Variants in PPP1R12C observed in about 807,000 individuals in gnomAD.
PPP1R12C encodes protein phosphatase 1 regulatory subunit 12C.
PPP1R12C carries 48 observed loss-of-function variants against 95.6 expected under a neutral mutation model. The ratio of observed to expected loss-of-function variants is 0.50; its 90% CI spans 0.40 to 0.64. The LOEUF (loss-of-function observed/expected upper bound fraction) is 0.64, where lower values mean the gene tolerates loss of function less well. Ranked by LOEUF, PPP1R12C falls within the 30% of genes least tolerant of loss-of-function variation. PPP1R12C has a pLI of 0.00. For synonymous variants in PPP1R12C, 480 were observed against 460.8 expected, an observed-to-expected ratio of 1.04 and a Z score of -0.53; for missense variants, 1,057 against 1,083.3, an observed-to-expected ratio of 0.98 and a Z score of 0.34.
chr19:55,103,584 G>A lies in PPP1R12C; in HGVS notation c.572-16C>T, dbSNP rs781176241. ...ACATCCACACCTAGGAGGATAAGAG[G>A]CACGAGGTAGGACTCACACCCCATG... On this transcript the variant is annotated splice_polypyrimidine_tract_variant and intron_variant, in intron 3 of 21. Transcript: ENST00000263433. 1 of 1,551,376 alleles carries A rather than the reference G, an allele frequency of 6.4e-7. No homozygotes were observed. Among genetic ancestry groups the A allele is most frequent in the Non-Finnish European group, 8.8e-7 (1 of 1,138,094 alleles).
chr19:55,117,478 TCGCCGCTCCCGGGCAGCCGCCGC>T lies in PPP1R12C; in HGVS notation c.43_65del (p.Ala15ThrfsTer89). On this transcript the variant is annotated frameshift_variant, in exon 1 of 22. Transcript: ENST00000263433. LOFTEE classifies it high-confidence loss of function. ...CCCCCCACTGCCGCAGCTGCTCCCG[TCGCCGCTCCCGGGCAGCCGCCGC>T]CGCCGCCCCCGGGCCAGCCGCCGGG... 2 of 1,018,052 alleles carry T rather than the reference TCGCCGCTCCCGGGCAGCCGCCGC, an allele frequency of 2.0e-6. No individual in the cohort carries two copies. The highest frequency in any genetic ancestry group is 3.9e-5 in the South Asian group (1 of 25,728). 63.1% of individuals were successfully genotyped at this position (1,018,052 alleles called of 1,614,324 possible). A position where few individuals can be genotyped will look rare whatever the true frequency, so the allele number is the denominator to read the frequency against.
Position 55,117,387 on chromosome 19 carries a change from C to A in PPP1R12C, c.157G>T (p.Ala53Ser). ...CCCGCACAGGCCGCCAGGAACTCGG[C>A]GGCGCGCTCGAAGCGGACGGTGCGG... ...RARTVRFERAAEFLAACAGGD... is the reference protein window; with the variant it reads ...RARTVRFERASEFLAACAGGD... The change falls in exon 1 of 22, where the codon GCC (alanine) becomes TCC (serine). Residue 53 changes from alanine (A) to serine (S), a missense_variant. Ala to Ser is a moderately conservative substitution (Grantham distance 99). Coordinates refer to ENST00000263433, the MANE Select transcript of PPP1R12C (RefSeq NM_017607.4). 1.9e-6 allele frequency: 2 copies of A among 1,072,612 alleles called. No homozygotes were observed. Among genetic ancestry groups the A allele is most frequent in the Non-Finnish European group, 2.3e-6 (2 of 888,268 alleles). The allele number at this position is 1,072,612 out of a possible 1,614,324, so 66.4% of individuals were successfully genotyped here. A position where few individuals can be genotyped will look rare whatever the true frequency, so the allele number is the denominator to read the frequency against.
In PPP1R12C at chr19:55,104,199, T is replaced by TATACAC. The variant is rs34075382; in HGVS notation, c.572-632_572-631insGTGTAT. ...AAAAAAGTATATATATATATATATA[T>TATACAC]ACACACACACACACATACAAAAATA... is the stretch of plus-strand genomic sequence containing the variant. On this transcript the variant is annotated intron_variant, in intron 3 of 21. Transcript: ENST00000263433. 8.3e-5 allele frequency among the ~76,000 whole-genome samples: 10 copies of TATACAC among 120,042 alleles called. No individual in the cohort carries two copies. The East Asian group carries it at 9.2e-4, about 11-fold the overall frequency. 78.8% of individuals were successfully genotyped at this position (120,042 alleles called of 152,430 possible).
rs761864993 is a variant in PPP1R12C at position 55,095,939 on chromosome 19, T to C, written c.1155A>G (p.Glu385=). 3.7e-6 allele frequency: 6 copies of C among 1,611,870 alleles called. No homozygotes were observed. The South Asian group carries it at 6.6e-5, about 18-fold the overall frequency. ...GGGTTCTGGGTTCTGCAGGGGGTGG[T>C]TCTGTGATGTGGGAACACCGGGCAG... ...DEDEGEEGPT[E]PPPAEPRTLN... The change falls in exon 9 of 22, where the codon GAA becomes GAG. Residue 385 remains glutamate, a splice_region_variant and synonymous_variant. Coordinates refer to ENST00000263433, the MANE Select transcript of PPP1R12C (RefSeq NM_017607.4).
chr19:55,098,929 C>T (rs2084951917), intron 5 of PPP1R12C, 22 bp downstream of exon 5: 2 of 1,598,246 alleles, frequency 1.3e-6, no homozygotes, highest in African/African-American at 2.7e-5. Context: ...TGCCCCTCAC[C>T]AGCCTGGGCA....
At chr19:55,102,498 C>T (rs374589517) in intron 4 of PPP1R12C, among the ~76,000 whole-genome samples, 5 of 152,280 alleles carry the variant, frequency 3.3e-5, no homozygotes, top group South Asian at 2.1e-4. Flanking sequence ...GGTGACAGAG[C>T]GAGACTCCGT....
chr19:55,117,131 G>T, intron 1 of PPP1R12C, 92 bp downstream of exon 1: 1 of 1,075,094 alleles, frequency 9.3e-7, no homozygotes, highest in Non-Finnish European at 1.2e-6. Flanking sequence ...CGACGGGGCG[G>T]ATCGAGACTG....
At chr19:55,102,399 C>A (rs1207038463) in intron 4 of PPP1R12C, among the ~76,000 whole-genome samples, 4 of 152,218 alleles carry the variant, frequency 2.6e-5, no homozygotes, top group Admixed American at 2.0e-4. Context: ...ATAGTCACAG[C>A]TCCTGGGGAG....
chr19:55,093,043 C>T lies in PPP1R12C; in HGVS notation c.1798G>A (p.Glu600Lys), dbSNP rs772230789. 1 of 1,591,868 alleles carries T rather than the reference C, an allele frequency of 6.3e-7. No homozygotes were observed. Among genetic ancestry groups the T allele is most frequent in the Non-Finnish European group, 8.6e-7 (1 of 1,168,220 alleles). Residue 600 changes from glutamate to lysine, a missense_variant, in exon 15 of 22, where the codon GAG becomes AAG. Physicochemically the swap from Glu to Lys is moderately conservative, Grantham distance 56. Coordinates refer to ENST00000263433, the MANE Select transcript of PPP1R12C (RefSeq NM_017607.4). ...PSRRPRVPGV[E>K]NSDSPAQRAE... ...CTCTGGGCAGGGCTGTCAGAGTTCT[C>T]CACTCCAGGGACGCGGGGCCTTCGG...
rs566865348 is a variant in PPP1R12C at position 55,092,103 on chromosome 19, G to C, written c.2160+119C>G. The C allele has an allele frequency of 1.5e-4, 164 of 1,085,606 alleles. No individual in the cohort carries two copies. In the African/African-American group the frequency reaches 2.4e-3, roughly 16 times the overall value. 67.2% of individuals were successfully genotyped at this position (1,085,606 alleles called of 1,614,324 possible). ...ACTCCGCCTCCGAGATCTCGGCCCC[G>C]CCCCTCAAGTGAAGCCCAGCCCCGC... On this transcript the variant is annotated intron_variant, in intron 19 of 21. Transcript: ENST00000263433.
At position 55,096,704 on chromosome 19, in the gene PPP1R12C, C is replaced by G. The variant is rs982231013; in HGVS notation, c.952-369G>C. The G allele has an allele frequency of 9.2e-5, 36 of 391,670 alleles. 2 individuals are homozygous for G. The highest frequency in any genetic ancestry group is 7.1e-4 in the South Asian group (31 of 43,840). 24.3% of individuals were successfully genotyped at this position (391,670 alleles called of 1,614,324 possible). On this transcript the variant is annotated intron_variant, in intron 6 of 21. Coordinates refer to ENST00000263433, the MANE Select transcript of PPP1R12C (RefSeq NM_017607.4). ...CAGCTGCCCCGGCTCCTGCAGCCGG[C>G]ACTCGCCTCCTCCTTCCCCGCGCAG...
At chr19:55,103,695 A>G (rs2085003106) in intron 3 of PPP1R12C, 127 bp from the exon 4 acceptor site, 1 of 877,626 alleles carries the variant, frequency 1.1e-6, no homozygotes, top group African/African-American at 1.8e-5. Flanking sequence ...CTCCCCTCTG[A>G]GACTCAGGAG....
intron 3 of PPP1R12C, among the ~76,000 whole-genome samples, chr19:55,110,955 G>A (rs555796762): frequency 1.4e-3 from 212 of 152,060 alleles, no homozygotes; most frequent in African/African-American, 4.8e-3. Context: ...AAAACAGGAG[G>A]AGAAAGGATA....
intron 3 of PPP1R12C, among the ~76,000 whole-genome samples, chr19:55,107,661 G>C (rs903823094): frequency 1.4e-5 from 2 of 145,118 alleles, no homozygotes; most frequent in Non-Finnish European, 3.0e-5. Flanking sequence ...GAGAACACTT[G>C]GACACAGGAA....
intron 1 of PPP1R12C, among the ~76,000 whole-genome samples, chr19:55,115,872 T>A (rs1003377883): frequency 6.6e-6 from 1 of 152,132 alleles, no homozygotes; most frequent in African/African-American, 2.4e-5. Context: ...ACAGGATCCC[T>A]GGAGGCAGCA....
At chr19:55,112,364 A>G in intron 3 of PPP1R12C, 103 bp downstream of exon 3, 12 of 986,046 alleles carry the variant, frequency 1.2e-5, no homozygotes, top group Non-Finnish European at 1.8e-5. Flanking sequence ...AATCCTAGGA[A>G]GCAGGGTCAG....
chr19:55,106,444 A>G (rs569899225), intron 3 of PPP1R12C, among the ~76,000 whole-genome samples: 1 of 152,306 alleles, frequency 6.6e-6, no homozygotes, highest in East Asian at 1.9e-4. Context: ...CTTTCCCACC[A>G]GGCAGAAATC....
chr19:55,107,935 CTTTTTTT>C (rs34454787), intron 3 of PPP1R12C, among the ~76,000 whole-genome samples: 1 of 134,742 alleles, frequency 7.4e-6, no homozygotes, highest in East Asian at 2.1e-4. Context: ...AATTTACCAT[CTTTTTTT>C]TTTTTTTTTG....
Position 55,117,301 on chromosome 19 carries a change from C to T in PPP1R12C, c.243G>A (p.Glu81=). The T allele has an allele frequency of 8.3e-7, 1 of 1,208,614 alleles. No homozygotes were observed. Among genetic ancestry groups the T allele is most frequent in the South Asian group, 4.1e-5 (1 of 24,342 alleles). The allele number at this position is 1,208,614 out of a possible 1,614,324, so 74.9% of individuals were successfully genotyped here. ...CGGGCGGCGGCGCGGCGGGGTCGAG[C>T]TCGGCGCCGGGGCCAGGGTCGGCGG... ...LRAADPGPGA[E]LDPAAPPPAR... The change falls in exon 1 of 22, where the codon GAG becomes GAA. Residue 81 remains glutamate (E), a synonymous_variant. Transcript: ENST00000263433.
Sources: allele counts gnomAD v4.1 joint callset (sites outside exome capture counted in the v4.1 genomes callset), GRCh38; gene constraint gnomAD v4.1.1; transcripts MANE v1.5; gene names NCBI Gene and HGNC (gene_info 2026-07-23, HGNC 2026-07-21).